Variants in KSR2 observed in about 807,000 individuals in gnomAD.
KSR2 encodes the protein kinase suppressor of ras 2.
A neutral mutation model predicts 107.8 loss-of-function variants in KSR2; 25 were observed. That is an observed-to-expected ratio of 0.23 (90% CI 0.17 to 0.32). The LOEUF (loss-of-function observed/expected upper bound fraction) is 0.32, where lower values mean the gene tolerates loss of function less well. Ranked by LOEUF, KSR2 falls within the 10% of genes least tolerant of loss-of-function variation. The pLI is 1.00. For synonymous variants in KSR2, 480 were observed against 507.0 expected (o/e 0.95, Z 0.71); for missense variants, 887 against 1,268.9 (o/e 0.70, Z 4.57).
chr12:117,769,112 C>T (rs115059036), intron 3 of KSR2, among the ~76,000 whole-genome samples: 4,923 of 152,286 alleles, frequency 0.032, 116 homozygotes, highest in African/African-American at 0.063. Flanking sequence ...TGGAATGCAG[C>T]TGAACCTTAA....
intron 7 of KSR2, among the ~76,000 whole-genome samples, chr12:117,561,345 T>C (rs999752216): frequency 2.6e-5 from 4 of 152,202 alleles, no homozygotes; most frequent in African/African-American, 9.6e-5. Context: ...TGTAGGACAC[T>C]GAAAATAACA....
At chr12:117,725,132 C>G (rs946217649) in intron 4 of KSR2, among the ~76,000 whole-genome samples, 1 of 151,240 alleles carries the variant, frequency 6.6e-6, no homozygotes, top group Non-Finnish European at 1.5e-5. Flanking sequence ...CAAAAGATGG[C>G]AAAGGAGGTA....
intron 5 of KSR2, among the ~76,000 whole-genome samples, chr12:117,641,169 C>T (rs142568022): frequency 1.3e-5 from 2 of 152,300 alleles, no homozygotes; most frequent in African/African-American, 2.4e-5. Flanking sequence ...GCAATCTTGG[C>T]TCACTGCGAC....
chr12:117,463,423 C>A lies in KSR2; in HGVS notation c.*3776G>T, dbSNP rs926473243. 10 of 152,298 alleles carry A rather than the reference C, an allele frequency of 6.6e-5. No homozygotes were observed. Among genetic ancestry groups the A allele is most frequent in the Admixed American group, 5.9e-4 (9 of 15,288 alleles). The allele number at this position is 152,298 out of a possible 1,614,324, so 9.4% of individuals were successfully genotyped here. The stretch of plus-strand genomic sequence containing the variant: ...AAAGGCTAGCAAAGTTAGGAAAGGG[C>A]CAGATTGTAAAAGTTTTTGACTGTG... On this transcript the variant is annotated 3_prime_UTR_variant, in exon 20 of 20. Coordinates refer to ENST00000339824, the MANE Select transcript of KSR2 (RefSeq NM_173598.6).
At chr12:117,921,289 T>TGG (rs1895336857) in intron 1 of KSR2, among the ~76,000 whole-genome samples, 2 of 152,256 alleles carry the variant, frequency 1.3e-5, no homozygotes, top group Non-Finnish European at 2.9e-5. Flanking sequence ...TTGTTATTCC[T>TGG]AATTCCACAA....
At chr12:117,602,216 T>G (rs928998833) in intron 5 of KSR2, among the ~76,000 whole-genome samples, 31 of 152,260 alleles carry the variant, frequency 2.0e-4, no homozygotes, top group African/African-American at 6.5e-4. Flanking sequence ...TTTTTTTGTT[T>G]TGCTTTCAAT....
At chr12:117,609,390 A>C (rs1881466857) in intron 5 of KSR2, among the ~76,000 whole-genome samples, 1 of 152,220 alleles carries the variant, frequency 6.6e-6, no homozygotes, top group Non-Finnish European at 1.5e-5. Context: ...AAGCATTAGA[A>C]TCTAACTAAC....
At chr12:117,693,388 T>C (rs677706) in intron 4 of KSR2, among the ~76,000 whole-genome samples, 76,751 of 152,032 alleles carry the variant, frequency 0.5, 23,272 homozygotes, top group South Asian at 0.69. Flanking sequence ...TCACCCTCCA[T>C]GGAAGCCTAG....
At chr12:117,799,193 T>C (rs981122165) in intron 3 of KSR2, among the ~76,000 whole-genome samples, 16 of 152,202 alleles carry the variant, frequency 1.1e-4, no homozygotes, top group African/African-American at 3.9e-4. Context: ...TGCCACTGAA[T>C]TGTAGACTTT....
chr12:117,737,977 G>A (rs950709792), intron 4 of KSR2, among the ~76,000 whole-genome samples: 1 of 152,058 alleles, frequency 6.6e-6, no homozygotes, highest in Non-Finnish European at 1.5e-5. Context: ...GAGTCCCAAG[G>A]TGTGCAAGTC....
intron 3 of KSR2, among the ~76,000 whole-genome samples, chr12:117,774,387 C>T (rs1347164258): frequency 1.3e-5 from 2 of 152,098 alleles, no homozygotes; most frequent in Non-Finnish European, 2.9e-5. Context: ...CATTAATGAG[C>T]TTGGCATTCA....
At chr12:117,786,944 G>A (rs1449522356) in intron 3 of KSR2, among the ~76,000 whole-genome samples, 4 of 151,830 alleles carry the variant, frequency 2.6e-5, no homozygotes, top group South Asian at 2.1e-4. Context: ...CAGGAGAATC[G>A]CTTGAACCCA....
At chr12:117,749,431 C>T (rs1013264828) in intron 4 of KSR2, among the ~76,000 whole-genome samples, 2 of 151,874 alleles carry the variant, frequency 1.3e-5, no homozygotes, top group African/African-American at 4.8e-5. Context: ...AAAGAAATAA[C>T]GAGAGGAAGG....
At chr12:117,738,023 TC>T (rs1888010637) in intron 4 of KSR2, among the ~76,000 whole-genome samples, 1 of 152,040 alleles carries the variant, frequency 6.6e-6, no homozygotes, top group Non-Finnish European at 1.5e-5. Flanking sequence ...GGACACCCTG[TC>T]CCCTCCACAG....
chr12:117,623,447 C>T (rs923397904), intron 5 of KSR2, among the ~76,000 whole-genome samples: 1 of 152,148 alleles, frequency 6.6e-6, no homozygotes, highest in Non-Finnish European at 1.5e-5. Flanking sequence ...TCTCATTGGT[C>T]AGGTCCTGCC....
chr12:117,947,195 G>A lies in KSR2; in HGVS notation c.180+20881C>T, dbSNP rs1313415691. 1.6e-3 allele frequency among the ~76,000 whole-genome samples: 137 copies of A among 84,702 alleles called. 3 individuals are homozygous for A. The East Asian group carries it at 0.041, about 26-fold the overall frequency. 55.6% of individuals were successfully genotyped at this position (84,702 alleles called of 152,430 possible). ...GAAAGAAAGAAAGAAAGAAAAGAAA[G>A]AAAAGAAAGAAAAGAAAGAAAGAAA... On this transcript the variant is annotated intron_variant, in intron 1 of 19. Coordinates refer to ENST00000339824, the MANE Select transcript of KSR2 (RefSeq NM_173598.6).
intron 14 of KSR2, among the ~76,000 whole-genome samples, chr12:117,506,224 T>A (rs74671817): frequency 1.3e-5 from 2 of 152,174 alleles, no homozygotes; most frequent in African/African-American, 2.4e-5. Flanking sequence ...CAACGAAACA[T>A]CTTCTCTGTC....
intron 3 of KSR2, among the ~76,000 whole-genome samples, chr12:117,845,762 C>T (rs1332775460): frequency 2.6e-5 from 4 of 151,808 alleles, no homozygotes; most frequent in African/African-American, 9.7e-5. Flanking sequence ...CTCACTACAG[C>T]CTTGACCTCC....
At chr12:117,806,868 C>T (rs1214015719) in intron 3 of KSR2, among the ~76,000 whole-genome samples, 1 of 152,242 alleles carries the variant, frequency 6.6e-6, no homozygotes, top group African/African-American at 2.4e-5. Context: ...CATTGAGACA[C>T]TAGTGCTCGG....
Sources: gnomAD v4.1 joint callset for allele counts (sites outside exome capture counted in the v4.1 genomes callset) on GRCh38, gnomAD v4.1.1 for gene constraint, MANE v1.5 for transcripts, NCBI Gene and HGNC (gene_info 2026-07-23, HGNC 2026-07-21) for gene names.